PPM1F: variants seen among roughly 807,000 people sequenced by gnomAD.
PPM1F encodes the protein protein phosphatase, Mg2+/Mn2+ dependent 1F, also known as protein phosphatase 1F.
In PPM1F, 17 loss-of-function variants were observed where a neutral mutation model predicts 35.5. That is an observed-to-expected ratio of 0.48 (90% confidence interval 0.33 to 0.72). PPM1F has a LOEUF of 0.72. Among genes scored for constraint, PPM1F ranks in the 30% least tolerant of loss-of-function variants. The pLI is 0.02. For missense variants in PPM1F, 521 were observed against 613.0 expected, an observed-to-expected ratio of 0.85 and a Z score of 1.59; for synonymous variants, 241 against 255.5, an observed-to-expected ratio of 0.94 and a Z score of 0.54.
intron 6 of PPM1F, among the ~76,000 whole-genome samples, chr22:21,930,413 T>A (rs2070575121): frequency 6.6e-6 from 1 of 152,200 alleles, no homozygotes; most frequent in African/African-American, 2.4e-5. Flanking sequence ...TAGGTAGAGA[T>A]GCATTGTTTT....
intron 6 of PPM1F, among the ~76,000 whole-genome samples, chr22:21,930,873 G>A (rs2070580526): frequency 6.6e-6 from 1 of 152,136 alleles, no homozygotes; most frequent in African/African-American, 2.4e-5. Flanking sequence ...GCTCTGGTCT[G>A]CACTGGGCTG....
chr22:21,922,284 G>A lies in PPM1F; in HGVS notation c.*808C>T, dbSNP rs1422976837. 6.6e-6 allele frequency: 1 copy of A among 152,534 alleles called. No homozygotes were observed. Among genetic ancestry groups the A allele is most frequent in the African/African-American group, 2.4e-5 (1 of 41,428 alleles). 9.4% of individuals were successfully genotyped at this position (152,534 alleles called of 1,614,324 possible). On this transcript the variant is annotated 3_prime_UTR_variant, in exon 8 of 8. Coordinates refer to ENST00000263212, the MANE Select transcript of PPM1F (RefSeq NM_014634.4). ...AAAGTAAATACTTAAGTTTTCTAAA[G>A]AATAAAATAAATGCTAAGCTCTGCT...
chr22:21,934,710 C>T (rs1335706667), intron 3 of PPM1F: 1 of 152,796 alleles, frequency 6.5e-6, no homozygotes, highest in East Asian at 1.9e-4. Flanking sequence ...CATGGTGAAA[C>T]CCCGTCTCTA....
intron 3 of PPM1F, chr22:21,934,783 G>C (rs948542121): frequency 6.6e-6 from 1 of 151,458 alleles, no homozygotes; most frequent in Admixed American, 6.6e-5. Context: ...TACTCGGGAG[G>C]CTGAGGCAGG....
Position 21,939,382 on chromosome 22 carries a change from C to A in PPM1F, c.355+150G>T. ...GCCACCCTCCACCTCACTGGGGCCG[C>A]AAGCCTTCTCTGCTCCTTGATTCTG... On this transcript the variant is annotated intron_variant, in intron 3 of 7. Transcript: ENST00000263212. The surrounding 1 kb of genome is among the most constrained non-coding windows in gnomAD (Gnocchi z 5.1). 3.8e-6 allele frequency: 4 copies of A among 1,063,582 alleles called. No homozygotes were observed. The highest frequency in any genetic ancestry group is 5.4e-6 in the Non-Finnish European group (4 of 741,358). The allele number at this position is 1,063,582 out of a possible 1,614,324, so 65.9% of individuals were successfully genotyped here.
At chr22:21,924,551 G>A (rs1336277935) in intron 7 of PPM1F, among the ~76,000 whole-genome samples, 5 of 151,006 alleles carry the variant, frequency 3.3e-5, no homozygotes, top group African/African-American at 4.9e-5. Flanking sequence ...GATTACAGGC[G>A]TGAGCCACCG....
At chr22:21,930,184 T>C (rs917699576) in intron 6 of PPM1F, among the ~76,000 whole-genome samples, 10 of 152,208 alleles carry the variant, frequency 6.6e-5, no homozygotes, top group African/African-American at 2.4e-4. Context: ...GACAGGCTTC[T>C]TACCTGACAG....
At chr22:21,925,775 G>T (rs768193423) in intron 6 of PPM1F, 113 bp from the exon 7 acceptor site, 20 of 787,214 alleles carry the variant, frequency 2.5e-5, no homozygotes, top group Non-Finnish European at 3.7e-5. Context: ...ATTCAAAGCC[G>T]CAGCACTGGA....
chr22:21,937,837 C>T (rs1330645253), intron 3 of PPM1F: 2 of 294,310 alleles, frequency 6.8e-6, no homozygotes, highest in Admixed American at 4.9e-5. Context: ...ATGCCAAGGG[C>T]TGCAGCCCCG....
At position 21,933,748 on chromosome 22, in the gene PPM1F, C is replaced by T. The variant is rs117009030; in HGVS notation, c.559-169G>A. Among the ~76,000 whole-genome samples the T allele has an allele frequency of 6.6e-5, 10 of 152,302 alleles. No homozygotes were observed. The East Asian group carries it at 1.2e-3, about 18-fold the overall frequency. On this transcript the variant is annotated intron_variant, in intron 4 of 7. Transcript: ENST00000263212. ...GGAAAAGGACAGCTCGCGGGAGCCT[C>T]GGTTTCACCATCTGTTATGAGTTGC...
chr22:21,938,522 A>G, intron 3 of PPM1F: 2 of 1,074,484 alleles, frequency 1.9e-6, no homozygotes, highest in Non-Finnish European at 2.3e-6. Context: ...CTCTTCTCCC[A>G]CCTTGTTCCT....
chr22:21,937,823 C>A, intron 3 of PPM1F: 1 of 286,426 alleles, frequency 3.5e-6, no homozygotes, highest in South Asian at 2.7e-5. Flanking sequence ...CCCACGGACT[C>A]CCCATGCCAA....
chr22:21,934,367 G>A lies in PPM1F; in HGVS notation c.356-141C>T, dbSNP rs2070633916. ...ATTGTGAGCACATCAACTCAATAACGCGCACATGGCAGCCTGTTACCAGAA... is the reference window on the plus strand; with the variant it reads ...ATTGTGAGCACATCAACTCAATAACACGCACATGGCAGCCTGTTACCAGAA... On this transcript the variant is annotated intron_variant, in intron 3 of 7. Transcript: ENST00000263212. 9.3e-6 allele frequency: 6 copies of A among 645,288 alleles called. No individual in the cohort carries two copies. In the East Asian group the frequency reaches 1.4e-4, roughly 16 times the overall value. The allele number at this position is 645,288 out of a possible 1,614,324, so 40.0% of individuals were successfully genotyped here.
Position 21,939,474 on chromosome 22 carries a change from T to C in PPM1F, c.355+58A>G. 1 of 1,599,002 alleles carries C rather than the reference T, an allele frequency of 6.3e-7. No individual in the cohort carries two copies. The highest frequency in any genetic ancestry group is 8.5e-7 in the Non-Finnish European group (1 of 1,171,600). ...AATCAATGGGCTTCCCACAATGTCG[T>C]CACCCTTTGTTGCCTGCTAAGCAGC... On this transcript the variant is annotated intron_variant, in intron 3 of 7. Coordinates refer to ENST00000263212, the MANE Select transcript of PPM1F (RefSeq NM_014634.4). The surrounding 1 kb of genome is among the most constrained non-coding windows in gnomAD (Gnocchi z 5.1).
At chr22:21,929,515 G>A (rs2070562979) in intron 6 of PPM1F, among the ~76,000 whole-genome samples, 6 of 152,220 alleles carry the variant, frequency 3.9e-5, no homozygotes, top group Non-Finnish European at 7.3e-5. Flanking sequence ...TGTTTGAACA[G>A]AGCCCCCACT....
At chr22:21,925,764 C>A in intron 6 of PPM1F, 102 bp from the exon 7 acceptor site, 1 of 888,148 alleles carries the variant, frequency 1.1e-6, no homozygotes, top group Non-Finnish European at 1.7e-6. Flanking sequence ...AAGACAGCAG[C>A]ATTCAAAGCC....
Position 21,922,317 on chromosome 22 carries a change from T to G in PPM1F, c.*775A>C, listed in dbSNP as rs1276450561. On this transcript the variant is annotated 3_prime_UTR_variant, in exon 8 of 8. Transcript: ENST00000263212. ...TAAATGCTAAGCTCTGCTTAAATTA[T>G]ATGACACAACAGGTCATCTTGGCAC... 1.3e-5 allele frequency: 2 copies of G among 152,612 alleles called. No homozygotes were observed. Among genetic ancestry groups the G allele is most frequent in the Admixed American group, 1.3e-4 (2 of 15,284 alleles). The allele number at this position is 152,612 out of a possible 1,614,324, so 9.5% of individuals were successfully genotyped here. A position where few individuals can be genotyped will look rare whatever the true frequency, so the allele number is the denominator to read the frequency against.
At chr22:21,938,161 C>T (rs2070682000) in intron 3 of PPM1F, 3 of 1,303,254 alleles carry the variant, frequency 2.3e-6, no homozygotes, top group South Asian at 1.2e-5. Context: ...GAGCCCCGAG[C>T]GTAGGACTGG....
At chr22:21,925,111 T>G (rs993040951) in intron 7 of PPM1F, 2 of 205,964 alleles carry the variant, frequency 9.7e-6, no homozygotes, top group African/African-American at 2.3e-5. Context: ...ATCAGGCTGG[T>G]CTCGAACTCC....
Sources: gnomAD v4.1 joint callset for allele counts (sites outside exome capture counted in the v4.1 genomes callset) on GRCh38, gnomAD v4.1.1 for gene constraint, Gnocchi (gnomAD v3.1) non-coding constraint, MANE v1.5 for transcripts, NCBI Gene and HGNC (gene_info 2026-07-23, HGNC 2026-07-21) for gene names.